The following GRXCR2 variants were observed in gnomAD, a reference collection of about 807,000 sequenced individuals.
GRXCR2 encodes glutaredoxin domain-containing cysteine-rich protein 2.
A neutral mutation model predicts 24.8 loss-of-function variants in GRXCR2; 23 were observed. The observed-to-expected ratio is 0.93, with a 90% CI of 0.67 to 1.32. The LOEUF (loss-of-function observed/expected upper bound fraction) is 1.32, where lower values mean the gene tolerates loss of function less well. Among genes scored for constraint, GRXCR2 ranks in the 40% most tolerant of loss-of-function variants. GRXCR2 has a pLI of 0.00. For synonymous variants in GRXCR2, 130 were observed against 116.1 expected (o/e 1.12, Z -0.77); for missense variants, 315 against 303.4 (o/e 1.04, Z -0.28).
At chr5:145,921,274 C>T (rs548490344) in intron 2 of GRXCR2, among the ~76,000 whole-genome samples, 2 of 152,292 alleles carry the variant, frequency 1.3e-5, no homozygotes, top group East Asian at 1.9e-4. Context: ...CTTACACATT[C>T]ATTAGATATA....
At chr5:145,866,230 A>G (rs1756432670) in intron 2 of GRXCR2, among the ~76,000 whole-genome samples, 1 of 152,184 alleles carries the variant, frequency 6.6e-6, no homozygotes, top group African/African-American at 2.4e-5. Flanking sequence ...CACACTGCAC[A>G]GTGAAAACAA....
chr5:145,904,365 T>C (rs577355592), intron 2 of GRXCR2, among the ~76,000 whole-genome samples: 1 of 152,298 alleles, frequency 6.6e-6, no homozygotes, highest in African/African-American at 2.4e-5. Flanking sequence ...ATCTTGCCCC[T>C]GGAAATGGTT....
chr5:145,906,177 T>A (rs1185054249), intron 2 of GRXCR2, among the ~76,000 whole-genome samples: 2 of 152,014 alleles, frequency 1.3e-5, no homozygotes, highest in Admixed American at 1.3e-4. Context: ...CTGTGGAGTG[T>A]GGGTGGGCCT....
intron 2 of GRXCR2, among the ~76,000 whole-genome samples, chr5:145,901,979 T>C (rs1265150674): frequency 6.6e-6 from 1 of 152,148 alleles, no homozygotes; most frequent in Non-Finnish European, 1.5e-5. Context: ...GATTTACTCA[T>C]GGTATTCATG....
chr5:145,900,260 T>G lies in GRXCR2; in HGVS notation c.-69-33532A>C, dbSNP rs143804122. On this transcript the variant is annotated intron_variant, in intron 2 of 3. Transcript: ENST00000639411. ...CTTACGAGATCTGGTTGATTAAAAGTGTGTAGCACTTCCCCCTTCACTCTC... is the reference window on the plus strand; with the variant it reads ...CTTACGAGATCTGGTTGATTAAAAGGGTGTAGCACTTCCCCCTTCACTCTC... Among the ~76,000 whole-genome samples the G allele has an allele frequency of 1.3e-4, 20 of 152,118 alleles. No individual in the cohort carries two copies. The East Asian group carries it at 3.9e-3, about 29-fold the overall frequency.
At chr5:145,895,979 A>C (rs1756942701) in intron 2 of GRXCR2, among the ~76,000 whole-genome samples, 1 of 152,350 alleles carries the variant, frequency 6.6e-6, no homozygotes. Flanking sequence ...ATAATGTCGC[A>C]TATCTACAAC....
At chr5:145,906,442 C>T (rs1389078071) in intron 2 of GRXCR2, among the ~76,000 whole-genome samples, 1 of 152,110 alleles carries the variant, frequency 6.6e-6, no homozygotes, top group Non-Finnish European at 1.5e-5. Flanking sequence ...AAAAACCTGC[C>T]TGAGAATGAA....
chr5:145,861,952 A>G (rs1015461779), intron 2 of GRXCR2, among the ~76,000 whole-genome samples: 3 of 152,236 alleles, frequency 2.0e-5, no homozygotes, highest in Non-Finnish European at 4.4e-5. Context: ...AACTCAAATC[A>G]GGTCTATGTA....
At chr5:145,916,241 T>C (rs1450461470) in intron 2 of GRXCR2, among the ~76,000 whole-genome samples, 1 of 152,108 alleles carries the variant, frequency 6.6e-6, no homozygotes, top group African/African-American at 2.4e-5. Context: ...GGATGAGCAA[T>C]AAAGATGATA....
At chr5:145,916,278 T>C (rs921017890) in intron 2 of GRXCR2, among the ~76,000 whole-genome samples, 27 of 152,200 alleles carry the variant, frequency 1.8e-4, no homozygotes, top group African/African-American at 6.3e-4. Context: ...GGCTGCATCA[T>C]TAGATGAGGA....
intron 2 of GRXCR2, among the ~76,000 whole-genome samples, chr5:145,883,913 A>G (rs757900325): frequency 4.3e-4 from 65 of 152,168 alleles, no homozygotes; most frequent in Non-Finnish European, 7.9e-4. Context: ...AAAATCCCTC[A>G]TCACAAAATC....
intron 2 of GRXCR2, among the ~76,000 whole-genome samples, chr5:145,879,026 A>C (rs564258039): frequency 2.6e-5 from 4 of 152,224 alleles, no homozygotes; most frequent in Non-Finnish European, 5.9e-5. Flanking sequence ...CCTGCCTTAC[A>C]AGAACTCCAG....
intron 2 of GRXCR2, among the ~76,000 whole-genome samples, chr5:145,912,166 C>T (rs1014740090): frequency 2.0e-5 from 3 of 152,188 alleles, no homozygotes; most frequent in East Asian, 3.9e-4. Flanking sequence ...TGAGTGCCAG[C>T]TTTGCTCCAG....
At chr5:145,897,064 C>T (rs1334526472) in intron 2 of GRXCR2, among the ~76,000 whole-genome samples, 1 of 141,712 alleles carries the variant, frequency 7.1e-6, no homozygotes, top group Non-Finnish European at 1.5e-5. Flanking sequence ...TGTTCTCACT[C>T]ATAGGTGGGA....
At chr5:145,892,177 TA>T (rs1233536531) in intron 2 of GRXCR2, among the ~76,000 whole-genome samples, 3 of 151,632 alleles carry the variant, frequency 2.0e-5, no homozygotes, top group Admixed American at 1.3e-4. Flanking sequence ...ACCACAAAGA[TA>T]GGGAAAAAAC....
chr5:145,904,362 C>T (rs982803931), intron 2 of GRXCR2, among the ~76,000 whole-genome samples: 28 of 152,082 alleles, frequency 1.8e-4, no homozygotes, highest in Admixed American at 9.2e-4. Flanking sequence ...GGGATCTTGC[C>T]CCTGGAAATG....
chr5:145,864,699 T>C (rs1252534492), intron 2 of GRXCR2, among the ~76,000 whole-genome samples: 1 of 152,154 alleles, frequency 6.6e-6, no homozygotes, highest in Non-Finnish European at 1.5e-5. Flanking sequence ...AGATTGTAAG[T>C]TTCCTGAGGC....
intron 2 of GRXCR2, among the ~76,000 whole-genome samples, chr5:145,863,450 A>C (rs1366668064): frequency 2.0e-5 from 3 of 152,254 alleles, no homozygotes; most frequent in Non-Finnish European, 4.4e-5. Context: ...AATTGAACTT[A>C]AAAGTAATTG....
chr5:145,894,529 C>T (rs1178526396), intron 2 of GRXCR2, among the ~76,000 whole-genome samples: 4 of 152,182 alleles, frequency 2.6e-5, no homozygotes, highest in Non-Finnish European at 5.9e-5. Context: ...ACTAGAAAAT[C>T]TAGAAGAAAT....
Sources: allele counts gnomAD v4.1 joint callset (sites outside exome capture counted in the v4.1 genomes callset), GRCh38; gene constraint gnomAD v4.1.1; transcripts MANE v1.5; gene names NCBI Gene and HGNC (gene_info 2026-07-23, HGNC 2026-07-21).